The following PRAC2 variants were observed in gnomAD, a reference collection of about 807,000 sequenced individuals.
The protein encoded by PRAC2 is protein PRAC2.
For missense variants in PRAC2, 92 were observed against 114.5 expected (o/e 0.80, Z 0.90); for synonymous variants, 43 against 49.5 (o/e 0.87, Z 0.55).
upstream of PRAC2, among the ~76,000 whole-genome samples, chr17:48,718,734 C>T (rs1283888261): frequency 6.6e-6 from 1 of 152,150 alleles, no homozygotes; most frequent in Non-Finnish European, 1.5e-5. Flanking sequence ...GGATTCTTTC[C>T]CGGGCCGCGA....
At chr17:48,721,961 G>T, upstream of PRAC2, 1 of 1,434,818 alleles carries the variant, frequency 7.0e-7, no homozygotes, top group Non-Finnish European at 9.3e-7. Flanking sequence ...TATTAATTTT[G>T]CTTATGCCAG....
chr17:48,719,212 A>AACACACACACACAC (rs3060082), upstream of PRAC2, among the ~76,000 whole-genome samples: 1,008 of 141,106 alleles, frequency 7.1e-3, 15 homozygotes, highest in African/African-American at 0.023. Context: ...CTCGCACACA[A>AACACACACACACAC]ACACACACAC....
rs1263717526 is a variant in PRAC2 at position 48,724,476 on chromosome 17, G to A, written c.66G>A (p.Ser22=). 1 of 1,234,164 alleles carries A rather than the reference G, an allele frequency of 8.1e-7. No individual in the cohort carries two copies. The highest frequency in any genetic ancestry group is 1.0e-6 in the Non-Finnish European group (1 of 988,138). The allele number at this position is 1,234,164 out of a possible 1,614,324, so 76.5% of individuals were successfully genotyped here. The change falls in exon 2 of 2, where the codon TCG becomes TCA. Residue 22 remains serine (S), a synonymous_variant. Transcript: ENST00000422730. The part of the protein sequence containing the change: ...SRRPTAFFFH[S]RWLVPNLLAF... ...GACCGACCGCCTTCTTCTTCCATTCGAGATGGCTCGTACCGAACCTCCTTG... is the reference window on the plus strand; with the variant it reads ...GACCGACCGCCTTCTTCTTCCATTCAAGATGGCTCGTACCGAACCTCCTTG...
chr17:48,722,074 C>A (rs1245971479), upstream of PRAC2, among the ~76,000 whole-genome samples: 1 of 152,180 alleles, frequency 6.6e-6, no homozygotes, highest in African/African-American at 2.4e-5. Flanking sequence ...CCTGCAGGTC[C>A]CGCGTGCTGC....
At chr17:48,720,916 A>G (rs2038138815), upstream of PRAC2, among the ~76,000 whole-genome samples, 1 of 152,062 alleles carries the variant, frequency 6.6e-6, no homozygotes, top group South Asian at 2.1e-4. Context: ...CTATTTTTTC[A>G]GTTGGTGGTA....
rs2038164662 is a variant in PRAC2, at chr17:48,723,209, G to A, written c.-188G>A. The A allele has an allele frequency of 6.6e-6, 1 of 152,438 alleles. No individual in the cohort carries two copies. Among genetic ancestry groups the A allele is most frequent in the African/African-American group, 2.4e-5 (1 of 41,460 alleles). 9.4% of individuals were successfully genotyped at this position (152,438 alleles called of 1,614,324 possible). On this transcript the variant is annotated 5_prime_UTR_variant, in exon 1 of 2. Transcript: ENST00000422730. The stretch of plus-strand genomic sequence containing the variant: ...CGAGCTTTCTCCCCTCTTCCCTGGA[G>A]AGCGACTGTTCGGGAGGGTGAGAAT...
rs1597930591 is a variant in PRAC2 at position 48,724,659 on chromosome 17, C to A, written c.249C>A (p.Cys83Ter). 1 of 1,232,174 alleles carries A rather than the reference C, an allele frequency of 8.1e-7. No individual in the cohort carries two copies. Among genetic ancestry groups the A allele is most frequent in the Non-Finnish European group, 1.0e-6 (1 of 987,984 alleles). 76.3% of individuals were successfully genotyped at this position (1,232,174 alleles called of 1,614,324 possible). A position where few individuals can be genotyped will look rare whatever the true frequency, so the allele number is the denominator to read the frequency against. Residue 83 changes from cysteine to a stop codon, truncating the protein, a stop_gained, in exon 2 of 2, where the codon TGC (cysteine) becomes TGA (stop). Transcript: ENST00000422730. LOFTEE classifies it low-confidence loss of function (END_TRUNC). ...KPVAPRTMKA[C>*]PQVLLEW is the part of the protein sequence containing the mutation. ...TAGCTCCGCGGACGATGAAAGCCTG[C>A]CCGCAGGTTCTCCTGGAGTGGTGAG...
chr17:48,723,676 C>A (rs1455620965), intron 1 of PRAC2: 1 of 1,230,730 alleles, frequency 8.1e-7, no homozygotes, highest in Non-Finnish European at 1.0e-6. Context: ...TTCCCGGAAG[C>A]GCTAGCCAGC....
upstream of PRAC2, among the ~76,000 whole-genome samples, chr17:48,719,861 C>A (rs1047961732): frequency 2.6e-5 from 4 of 152,130 alleles, no homozygotes; most frequent in South Asian, 6.2e-4. Context: ...CCCGGTTTCT[C>A]GCGTTTCGGG....
In PRAC2 at chr17:48,724,709, G is replaced by A. The variant is rs2038187530; in HGVS notation, c.*26G>A. On this transcript the variant is annotated 3_prime_UTR_variant, in exon 2 of 2. Coordinates refer to ENST00000422730, the MANE Select transcript of PRAC2 (RefSeq NM_001282275.2). ...GCCTCTGTCGGAAGGGGGCGCCCAC[G>A]TCTTTTTAATGGTCCTAACACACCA... 1.7e-6 allele frequency: 2 copies of A among 1,190,352 alleles called. No individual in the cohort carries two copies. The highest frequency in any genetic ancestry group is 1.6e-5 in the African/African-American group (1 of 63,536). 73.7% of individuals were successfully genotyped at this position (1,190,352 alleles called of 1,614,324 possible). A position where few individuals can be genotyped will look rare whatever the true frequency, so the allele number is the denominator to read the frequency against.
chr17:48,721,863 TG>T, upstream of PRAC2: 1 of 1,541,060 alleles, frequency 6.5e-7, no homozygotes, highest in Non-Finnish European at 8.8e-7. Flanking sequence ...CCATCACTCC[TG>T]GTCTCGCCCA....
upstream of PRAC2, chr17:48,722,667 G>T (rs1040515666): frequency 8.5e-5 from 39 of 457,422 alleles, no homozygotes; most frequent in Admixed American, 9.1e-4. Flanking sequence ...TCGCCTCCCC[G>T]CAAACCTCCG....
At chr17:48,721,655 T>G, upstream of PRAC2, 1 of 770,678 alleles carries the variant, frequency 1.3e-6, no homozygotes, top group Non-Finnish European at 1.9e-6. Context: ...CCAGAGCTTT[T>G]GCCTTAAGGA....
chr17:48,719,212 A>AACACACACACACAAAC (rs1357548253), upstream of PRAC2, among the ~76,000 whole-genome samples: 25 of 141,032 alleles, frequency 1.8e-4, no homozygotes, highest in Non-Finnish European at 3.2e-4. Context: ...CTCGCACACA[A>AACACACACACACAAAC]ACACACACAC....
upstream of PRAC2, among the ~76,000 whole-genome samples, chr17:48,719,056 C>A (rs951441794): frequency 3.3e-5 from 5 of 152,204 alleles, no homozygotes; most frequent in African/African-American, 2.4e-5. Context: ...CCACGCCAGA[C>A]GGAGTGGCCC....
chr17:48,724,363 G>C lies in PRAC2; in HGVS notation c.-48G>C. ...AGTAAATCCGAAAAAAAGTGTGTGT[G>C]GGGGGGTCCACACCACTAATTATTA... On this transcript the variant is annotated 5_prime_UTR_variant, in exon 2 of 2. Coordinates refer to ENST00000422730, the MANE Select transcript of PRAC2 (RefSeq NM_001282275.2). 1 of 1,230,650 alleles carries C rather than the reference G, an allele frequency of 8.1e-7. No individual in the cohort carries two copies. Among genetic ancestry groups the C allele is most frequent in the South Asian group, 4.1e-5 (1 of 24,346 alleles). The allele number at this position is 1,230,650 out of a possible 1,614,324, so 76.2% of individuals were successfully genotyped here. A position where few individuals can be genotyped will look rare whatever the true frequency, so the allele number is the denominator to read the frequency against.
At chr17:48,720,044 C>CGG (rs1380296484), upstream of PRAC2, among the ~76,000 whole-genome samples, 398 of 152,256 alleles carry the variant, frequency 2.6e-3, 3 homozygotes, top group African/African-American at 9.3e-3. Context: ...ACGCAGGTCT[C>CGG]GGGCGGGGGC....
intron 1 of PRAC2, 59 bp from the exon 2 acceptor site, chr17:48,724,269 G>T: frequency 1.0e-6 from 1 of 973,334 alleles, no homozygotes; most frequent in Non-Finnish European, 1.3e-6. Flanking sequence ...ACTAAAATTG[G>T]GAAGGGATTC....
At chr17:48,720,431 G>C (rs2038134380), upstream of PRAC2, among the ~76,000 whole-genome samples, 1 of 152,174 alleles carries the variant, frequency 6.6e-6, no homozygotes, top group Admixed American at 6.5e-5. Flanking sequence ...ATCTTCTCCA[G>C]GGAAGACTCC....
Sources: allele counts gnomAD v4.1 joint callset (sites outside exome capture counted in the v4.1 genomes callset), GRCh38; gene constraint gnomAD v4.1.1; transcripts MANE v1.5; gene names NCBI Gene and HGNC (gene_info 2026-07-23, HGNC 2026-07-21).